PSME4: variants seen among roughly 807,000 people sequenced by gnomAD.
The protein encoded by PSME4 is proteasome activator subunit 4, also known as proteasome activator complex subunit 4.
In PSME4, 89 loss-of-function variants were observed where a neutral mutation model predicts 253.9. The observed-to-expected ratio is 0.35, with a 90% confidence interval of 0.30 to 0.42. The LOEUF (loss-of-function observed/expected upper bound fraction) is 0.42. PSME4 is among the 10% of genes least tolerant of loss of function. The pLI is 1.00. For missense variants in PSME4, 2,014 were observed against 2,195.2 expected (o/e 0.92, Z 1.65); for synonymous variants, 851 against 759.2 (o/e 1.12, Z -1.99).
At chr2:53,953,922 C>T (rs775168832) in intron 1 of PSME4, among the ~76,000 whole-genome samples, 1 of 152,224 alleles carries the variant, frequency 6.6e-6, no homozygotes, top group Non-Finnish European at 1.5e-5. Flanking sequence ...GTTCCATCCT[C>T]CCACAGGGGA....
intron 21 of PSME4, among the ~76,000 whole-genome samples, chr2:53,909,739 A>G (rs1237600495): frequency 1.3e-5 from 2 of 152,160 alleles, no homozygotes; most frequent in African/African-American, 2.4e-5. Context: ...AGGTGGGTAG[A>G]TCACTTGATG....
chr2:53,896,797 T>A lies in PSME4; in HGVS notation c.3688+7A>T, dbSNP rs1214216768. The A allele has an allele frequency of 6.3e-7, 1 of 1,586,608 alleles. No homozygotes were observed. The highest frequency in any genetic ancestry group is 1.1e-5 in the South Asian group (1 of 90,488). ...AAGCACTATTAATTACTTCTGGTAG[T>A]ACTCACTGATTTCACAGGGGTTAAT... On this transcript the variant is annotated splice_region_variant and intron_variant, in intron 32 of 46. Transcript: ENST00000404125.
In PSME4 at chr2:53,970,746, C is replaced by T. The variant is rs916198626; in HGVS notation, c.39G>A (p.Pro13=). ...CCGGCTCGGGACGCCCGCCCGGCTC[C>T]GGGGGCTCTCCGACTCCCGCCCGCT... ...PAERAGVGEP[P]EPGGRPEPGP... The change falls in exon 1 of 47, where the codon CCG becomes CCA. Residue 13 remains proline (P), a synonymous_variant. Coordinates refer to ENST00000404125, the MANE Select transcript of PSME4 (RefSeq NM_014614.3). 1.9e-6 allele frequency: 3 copies of T among 1,546,216 alleles called. No individual in the cohort carries two copies. The highest frequency in any genetic ancestry group is 2.6e-6 in the Non-Finnish European group (3 of 1,145,516).
At chr2:53,874,933 ACT>A (rs1279936613) in intron 42 of PSME4, among the ~76,000 whole-genome samples, 15 of 152,046 alleles carry the variant, frequency 9.9e-5, no homozygotes, top group Admixed American at 3.3e-4. Context: ...AGCAGAGCGA[ACT>A]CTGTCTCAAA....
At chr2:53,954,186 G>C (rs190647898) in intron 1 of PSME4, among the ~76,000 whole-genome samples, 34 of 152,252 alleles carry the variant, frequency 2.2e-4, no homozygotes, top group African/African-American at 7.2e-4. Flanking sequence ...AAATTAGCCG[G>C]GTGTGGCGGC....
In PSME4 at chr2:53,966,699, T is replaced by G. The variant is rs1029107176; in HGVS notation, c.242+3844A>C. On this transcript the variant is annotated intron_variant, in intron 1 of 46. Transcript: ENST00000404125. The stretch of plus-strand genomic sequence containing the variant: ...GGCAAGAGGGCAAAATCAAGTTTTT[T>G]GGGGTTTTTTTCTTTGTTGTTGTTT... Among the ~76,000 whole-genome samples, 16 of 152,094 alleles carry G rather than the reference T, an allele frequency of 1.1e-4. 1 individual carries two copies. In the South Asian group the frequency reaches 2.9e-3, roughly 28 times the overall value.
chr2:53,893,099 G>A (rs976818041), intron 35 of PSME4, 139 bp from the exon 36 acceptor site: 28 of 612,324 alleles, frequency 4.6e-5, no homozygotes, highest in South Asian at 1.5e-4. Flanking sequence ...TAACAATTGC[G>A]GTAAGTTAAA....
chr2:53,906,959 A>C, intron 24 of PSME4, 91 bp from the exon 25 acceptor site: 1 of 1,168,370 alleles, frequency 8.6e-7, no homozygotes, highest in Non-Finnish European at 1.3e-6. Flanking sequence ...AGTGGTCAAA[A>C]AGGTCCCTGG....
At chr2:53,922,153 TAGTG>T (rs1219581415) in intron 17 of PSME4, among the ~76,000 whole-genome samples, 1 of 151,772 alleles carries the variant, frequency 6.6e-6, no homozygotes, top group African/African-American at 2.4e-5. Flanking sequence ...GCGTGGGCGA[TAGTG>T]AGACAAAAAG....
At chr2:53,965,782 G>T (rs1438664092) in intron 1 of PSME4, among the ~76,000 whole-genome samples, 2 of 151,222 alleles carry the variant, frequency 1.3e-5, no homozygotes, top group East Asian at 3.9e-4. Context: ...CAATTCTTCT[G>T]CCTCAGCCCC....
chr2:53,912,337 G>T (rs1220626712), intron 20 of PSME4, among the ~76,000 whole-genome samples: 1 of 152,136 alleles, frequency 6.6e-6, no homozygotes, highest in Non-Finnish European at 1.5e-5. Flanking sequence ...GGACATATCT[G>T]GGTAGTATAC....
intron 41 of PSME4, among the ~76,000 whole-genome samples, chr2:53,875,997 G>C (rs917658993): frequency 3.9e-5 from 6 of 151,902 alleles, no homozygotes; most frequent in African/African-American, 1.5e-4. Flanking sequence ...GAAATTATTT[G>C]AAGCAAATCC....
chr2:53,900,833 T>C (rs1398047639), intron 28 of PSME4, among the ~76,000 whole-genome samples: 1 of 152,146 alleles, frequency 6.6e-6, no homozygotes, highest in East Asian at 1.9e-4. Context: ...CTCACCCTTC[T>C]TTTACTCACC....
chr2:53,949,071 A>C, intron 2 of PSME4, 72 bp downstream of exon 2: 8 of 1,452,260 alleles, frequency 5.5e-6, no homozygotes, highest in Non-Finnish European at 5.5e-6. Context: ...TACCAAAAAC[A>C]CTTAGTCCTC....
At chr2:53,924,662 T>C (rs1206123647) in intron 14 of PSME4, among the ~76,000 whole-genome samples, 1 of 152,176 alleles carries the variant, frequency 6.6e-6, no homozygotes, top group African/African-American at 2.4e-5. Context: ...CTAGGGTACA[T>C]GTGCACAACA....
At chr2:53,945,256 G>C (rs1669648811) in intron 3 of PSME4, among the ~76,000 whole-genome samples, 3 of 152,108 alleles carry the variant, frequency 2.0e-5, no homozygotes, top group African/African-American at 7.2e-5. Flanking sequence ...AAGTGTATGG[G>C]ACATTGTTTT....
intron 3 of PSME4, among the ~76,000 whole-genome samples, chr2:53,947,584 T>C (rs1032280803): frequency 1.4e-4 from 22 of 152,120 alleles, no homozygotes; most frequent in Admixed American, 3.9e-4. Context: ...TGGGCACCTG[T>C]AGTCCCAGCT....
chr2:53,949,027 T>C lies in PSME4; in HGVS notation c.383+116A>G. Reference sequence around the variant, plus strand: ...ATTAAGATAATGTTTTTTGCAATCATTTTCCAAATTGGCAATTTGAGACTT... The same window carrying C: ...ATTAAGATAATGTTTTTTGCAATCACTTTCCAAATTGGCAATTTGAGACTT... On this transcript the variant is annotated intron_variant, in intron 2 of 46. Transcript: ENST00000404125. 3 of 1,324,486 alleles carry C rather than the reference T, an allele frequency of 2.3e-6. No homozygotes were observed. In the East Asian group the frequency reaches 7.5e-5, roughly 33 times the overall value. 82.0% of individuals were successfully genotyped at this position (1,324,486 alleles called of 1,614,324 possible).
At chr2:53,961,084 G>A in intron 1 of PSME4, among the ~76,000 whole-genome samples, 1 of 152,190 alleles carries the variant, frequency 6.6e-6, no homozygotes, top group Non-Finnish European at 1.5e-5. Flanking sequence ...TCCAGCCTGG[G>A]TGACAGAGCA....
Sources: allele counts gnomAD v4.1 joint callset (sites outside exome capture counted in the v4.1 genomes callset), GRCh38; gene constraint gnomAD v4.1.1; transcripts MANE v1.5; gene names NCBI Gene and HGNC (gene_info 2026-07-23, HGNC 2026-07-21).